WDR7: variants seen among roughly 807,000 people sequenced by gnomAD.
WDR7 encodes the protein WD repeat domain 7, also known as WD repeat-containing protein 7.
A neutral mutation model predicts 169.4 loss-of-function variants in WDR7; 46 were observed. That is an observed-to-expected ratio of 0.27 (90% CI 0.21 to 0.35). The LOEUF is 0.35. WDR7 is among the 10% of genes least tolerant of loss of function. WDR7 has a pLI of 1.00. For synonymous variants in WDR7, 612 were observed against 666.8 expected (o/e 0.92, Z 1.27); for missense variants, 1,534 against 1,859.3 (o/e 0.83, Z 3.22).
intron 19 of WDR7, among the ~76,000 whole-genome samples, chr18:56,795,857 C>T (rs2044575488): frequency 6.6e-6 from 1 of 152,166 alleles, no homozygotes; most frequent in Non-Finnish European, 1.5e-5. Flanking sequence ...AATAGTTTCT[C>T]TCTGTGGGAT....
intron 1 of WDR7, among the ~76,000 whole-genome samples, chr18:56,662,132 A>G (rs652372): frequency 0.92 from 139,693 of 152,176 alleles, 65,284 homozygotes; most frequent in East Asian, 1. Flanking sequence ...CAATTCATGT[A>G]TGCGCATCCT....
intron 26 of WDR7, among the ~76,000 whole-genome samples, chr18:56,990,279 CTGCTGCCAGTGT>C (rs1412219186): frequency 1.3e-5 from 2 of 152,312 alleles, no homozygotes; most frequent in Non-Finnish European, 1.5e-5. Flanking sequence ...GCAGTAGAAG[CTGCTGCCAGTGT>C]TGCCTAGCAG....
At chr18:56,657,986 G>T (rs2024815603) in intron 1 of WDR7, among the ~76,000 whole-genome samples, 1 of 152,004 alleles carries the variant, frequency 6.6e-6, no homozygotes, top group African/African-American at 2.4e-5. Context: ...TAAAATGTTG[G>T]AACAACGAAT....
intron 1 of WDR7, among the ~76,000 whole-genome samples, chr18:56,662,647 G>A (rs774329287): frequency 6.6e-6 from 1 of 152,144 alleles, no homozygotes; most frequent in African/African-American, 2.4e-5. Flanking sequence ...GCAAACGTTA[G>A]ATCCAATTTC....
chr18:56,901,856 C>T (rs115482193), intron 21 of WDR7, among the ~76,000 whole-genome samples: 1,940 of 151,930 alleles, frequency 0.013, 52 homozygotes, highest in African/African-American at 0.044. Flanking sequence ...ATTTTAGCTG[C>T]GGTTGTCAGT....
intron 3 of WDR7, among the ~76,000 whole-genome samples, 167 bp downstream of exon 3, chr18:56,679,605 A>G (rs2025315208): frequency 6.6e-6 from 1 of 152,052 alleles, no homozygotes; most frequent in Admixed American, 6.6e-5. Flanking sequence ...TTAGGGATGT[A>G]AATTTTATCT....
chr18:56,730,583 G>A (rs1011199609), intron 13 of WDR7, among the ~76,000 whole-genome samples: 5 of 151,924 alleles, frequency 3.3e-5, no homozygotes, highest in African/African-American at 4.8e-5. Context: ...TGGCTAACAC[G>A]GTGAAACCCT....
chr18:56,936,373 A>G (rs1334197175), intron 23 of WDR7: 1 of 153,492 alleles, frequency 6.5e-6, no homozygotes, highest in Non-Finnish European at 1.4e-5. Flanking sequence ...GTTGATTCCC[A>G]CATTCTTAGT....
intron 26 of WDR7, among the ~76,000 whole-genome samples, chr18:57,009,551 T>A (rs2048109871): frequency 6.6e-6 from 1 of 152,184 alleles, no homozygotes; most frequent in Non-Finnish European, 1.5e-5. Flanking sequence ...TTTTAATAAG[T>A]GGAAGAGGCA....
At chr18:57,004,507 C>A (rs562618379) in intron 26 of WDR7, among the ~76,000 whole-genome samples, 1 of 152,246 alleles carries the variant, frequency 6.6e-6, no homozygotes, top group Non-Finnish European at 1.5e-5. Context: ...CGCATTGTTC[C>A]TGTTTAAAGG....
chr18:56,760,933 A>G (rs1372591400), intron 16 of WDR7, among the ~76,000 whole-genome samples: 1 of 152,212 alleles, frequency 6.6e-6, no homozygotes, highest in African/African-American at 2.4e-5. Flanking sequence ...ATAGTGTCTC[A>G]TATGTTTAAT....
At position 56,758,942 on chromosome 18, in the gene WDR7, A is replaced by G. The variant is rs1227728991; in HGVS notation, c.2837A>G (p.Gln946Arg). The G allele has an allele frequency of 6.2e-7, 1 of 1,611,074 alleles. No homozygotes were observed. Among genetic ancestry groups the G allele is most frequent in the Non-Finnish European group, 8.5e-7 (1 of 1,178,420 alleles). The change falls in exon 16 of 28, where the codon CAG becomes CGG. Residue 946 changes from glutamine to arginine, a missense_variant. Physicochemically the swap from Gln to Arg is conservative, Grantham distance 43. Transcript: ENST00000254442. ...ACTTCCAGTAATATTGTGCAAGGAC[A>G]GATTAAACAAGGTAAAATTAAATCT... ...PPTSSNIVQG[Q>R]IKQVAAPVVS... is the part of the protein sequence containing the mutation.
intron 26 of WDR7, among the ~76,000 whole-genome samples, chr18:56,965,488 A>T (rs1182760908): frequency 6.7e-6 from 1 of 150,270 alleles, no homozygotes; most frequent in African/African-American, 2.5e-5. Context: ...TCCCAAACAG[A>T]TTATGCAAAA....
intron 21 of WDR7, among the ~76,000 whole-genome samples, chr18:56,911,510 T>C (rs1013165591): frequency 6.6e-6 from 1 of 152,188 alleles, no homozygotes; most frequent in Non-Finnish European, 1.5e-5. Context: ...TTTACCAACA[T>C]GTAAAACAAT....
chr18:56,690,331 A>C (rs1044852947), intron 7 of WDR7, among the ~76,000 whole-genome samples: 2 of 152,206 alleles, frequency 1.3e-5, no homozygotes, highest in African/African-American at 4.8e-5. Context: ...TGCAAATGTA[A>C]AGCCCTATAA....
intron 12 of WDR7, chr18:56,699,915 AGGTATTTATCATCCTTTCTTTCCCCACT>A: frequency 2.1e-6 from 2 of 973,380 alleles, no homozygotes; most frequent in Non-Finnish European, 2.4e-6. Context: ...ACATGTCAGT[AGGTATTTATCATCCTTTCTTTCCCCACT>A]CCTTCATTTT....
At chr18:56,705,224 A>G (rs1456432251) in intron 12 of WDR7, among the ~76,000 whole-genome samples, 1 of 152,192 alleles carries the variant, frequency 6.6e-6, no homozygotes, top group Non-Finnish European at 1.5e-5. Context: ...TTTTGATTAG[A>G]CATTCATTGG....
intron 6 of WDR7, 51 bp downstream of exon 6, chr18:56,686,083 C>A: frequency 6.8e-7 from 1 of 1,469,924 alleles, no homozygotes; most frequent in South Asian, 1.3e-5. Context: ...CTCTGTAGCT[C>A]AAAATTTTAG....
intron 26 of WDR7, among the ~76,000 whole-genome samples, chr18:57,004,802 C>G (rs2048032421): frequency 6.6e-6 from 1 of 152,032 alleles, no homozygotes; most frequent in African/African-American, 2.4e-5. Context: ...GCAGAATTTG[C>G]CTTTCAGTGA....
Sources: allele counts gnomAD v4.1 joint callset (sites outside exome capture counted in the v4.1 genomes callset), GRCh38; gene constraint gnomAD v4.1.1; transcripts MANE v1.5; gene names NCBI Gene and HGNC (gene_info 2026-07-23, HGNC 2026-07-21).